DDX4: variants seen among roughly 807,000 people sequenced by gnomAD.
The protein encoded by DDX4 is DEAD-box helicase 4, also known as probable ATP-dependent RNA helicase DDX4.
A neutral mutation model predicts 100.0 loss-of-function variants in DDX4; 25 were observed. The observed-to-expected ratio is 0.25, with a 90% confidence interval of 0.18 to 0.35. The LOEUF (loss-of-function observed/expected upper bound fraction) is 0.35, where lower values mean the gene tolerates loss of function less well. Among genes scored for constraint, DDX4 ranks in the 10% least tolerant of loss-of-function variants. The probability of loss-of-function intolerance (pLI) is 1.00; values close to 1 mark genes in which losing one functional copy is unlikely to be tolerated. For missense variants in DDX4, 635 were observed against 882.4 expected (o/e 0.72, Z 3.55); for synonymous variants, 259 against 275.7 (o/e 0.94, Z 0.60).
intron 3 of DDX4, among the ~76,000 whole-genome samples, chr5:55,755,368 GA>G (rs1759858864): frequency 6.6e-6 from 1 of 152,092 alleles, no homozygotes; most frequent in African/African-American, 2.4e-5. Context: ...TTTTGTTCAG[GA>G]ATGGCAGTTG....
chr5:55,738,759 A>G (rs1442604969), intron 1 of DDX4, among the ~76,000 whole-genome samples, 191 bp from the exon 2 acceptor site: 1 of 152,214 alleles, frequency 6.6e-6, no homozygotes, highest in African/African-American at 2.4e-5. Flanking sequence ...TTCTAAAGCT[A>G]AGAAAGGATG....
In DDX4 at chr5:55,752,696, C is replaced by T. The variant is rs1417470603; in HGVS notation, c.127+6475C>T. Among the ~76,000 whole-genome samples the T allele has an allele frequency of 8.9e-3, 1,293 of 146,004 alleles. 22 individuals carry two copies. Among genetic ancestry groups the T allele is most frequent in the African/African-American group, 0.032 (1,234 of 38,244 alleles). On this transcript the variant is annotated intron_variant, in intron 3 of 21. Coordinates refer to ENST00000505374, the MANE Select transcript of DDX4 (RefSeq NM_024415.3). The stretch of plus-strand genomic sequence containing the variant: ...TGATTTATAGTCCTTTGGGTATATA[C>T]CCAGTAATGGGATGGCTGGGTCAAA...
At chr5:55,741,524 A>C (rs1394653986) in intron 2 of DDX4, among the ~76,000 whole-genome samples, 1 of 152,198 alleles carries the variant, frequency 6.6e-6, no homozygotes, top group Non-Finnish European at 1.5e-5. Flanking sequence ...GCGGTGGTTC[A>C]TGCCTGTAAT....
intron 17 of DDX4, among the ~76,000 whole-genome samples, chr5:55,794,349 G>C (rs1184104051): frequency 6.7e-6 from 1 of 150,062 alleles, no homozygotes; most frequent in Non-Finnish European, 1.5e-5. Context: ...CACCACGCCT[G>C]GTTAATTTTT....
At chr5:55,755,326 A>G (rs1207222973) in intron 3 of DDX4, among the ~76,000 whole-genome samples, 2 of 152,094 alleles carry the variant, frequency 1.3e-5, no homozygotes, top group African/African-American at 4.8e-5. Context: ...TCATGCCAAG[A>G]GAGTTTCTTT....
At chr5:55,798,688 T>C in intron 18 of DDX4, 117 bp downstream of exon 18, 1 of 921,130 alleles carries the variant, frequency 1.1e-6, no homozygotes, top group Non-Finnish European at 1.5e-6. Flanking sequence ...TAAGTCTCTC[T>C]CCCTCTAAAG....
At chr5:55,805,462 G>C (rs1414299023) in intron 18 of DDX4, among the ~76,000 whole-genome samples, 1 of 151,360 alleles carries the variant, frequency 6.6e-6, no homozygotes, top group Non-Finnish European at 1.5e-5. Context: ...CTGTGGGTTT[G>C]TCATAGATAG....
intron 7 of DDX4, among the ~76,000 whole-genome samples, chr5:55,769,259 T>G (rs533261067): frequency 6.6e-6 from 1 of 152,170 alleles, no homozygotes; most frequent in African/African-American, 2.4e-5. Context: ...GTTTTACATG[T>G]TATTCTTTAA....
chr5:55,769,375 C>T (rs1047263590), intron 7 of DDX4, among the ~76,000 whole-genome samples: 1 of 152,076 alleles, frequency 6.6e-6, no homozygotes, highest in African/African-American at 2.4e-5. Flanking sequence ...AATAAGGAAT[C>T]CTTTCCTTAT....
chr5:55,755,751 C>T (rs772152685), intron 3 of DDX4, among the ~76,000 whole-genome samples: 12 of 151,646 alleles, frequency 7.9e-5, no homozygotes, highest in Non-Finnish European at 1.3e-4. Flanking sequence ...ATAATGTACA[C>T]ATAGATTCAA....
chr5:55,805,957 A>G (rs1743676522), intron 18 of DDX4, among the ~76,000 whole-genome samples: 1 of 152,032 alleles, frequency 6.6e-6, no homozygotes, highest in Non-Finnish European at 1.5e-5. Context: ...CTGGTCCTGG[A>G]CTTTTTTTGG....
At position 55,786,481 on chromosome 5, in the gene DDX4, T is replaced by G. The variant is rs549505009; in HGVS notation, c.865-37T>G. ...GCTTATAAATGATCTGCATATGATA[T>G]ATAGAATGTAATCACTGCTTTTTTT... On this transcript the variant is annotated intron_variant, in intron 13 of 21. Coordinates refer to ENST00000505374, the MANE Select transcript of DDX4 (RefSeq NM_024415.3). The G allele has an allele frequency of 3.9e-5, 60 of 1,526,568 alleles. No individual in the cohort carries two copies. The Admixed American group carries it at 9.9e-4, about 25-fold the overall frequency. 94.6% of individuals were successfully genotyped at this position (1,526,568 alleles called of 1,614,324 possible). A position where few individuals can be genotyped will look rare whatever the true frequency, so the allele number is the denominator to read the frequency against.
intron 7 of DDX4, among the ~76,000 whole-genome samples, chr5:55,771,053 TTTCCA>T (rs1741224125): frequency 6.6e-6 from 1 of 152,240 alleles, no homozygotes; most frequent in African/African-American, 2.4e-5. Flanking sequence ...GTATCCCTGA[TTTCCA>T]TTCTCTGTAG....
chr5:55,778,307 A>G (rs1741697002), intron 7 of DDX4, among the ~76,000 whole-genome samples: 1 of 152,192 alleles, frequency 6.6e-6, no homozygotes, highest in Non-Finnish European at 1.5e-5. Context: ...TGCCTCTTAG[A>G]GGAAATTTTA....
intron 7 of DDX4, chr5:55,768,145 T>C (rs532983002): frequency 2.1e-4 from 113 of 548,448 alleles, no homozygotes; most frequent in African/African-American, 2.0e-3. Context: ...TTTTTAAGTT[T>C]TTGGTTCAGG....
At chr5:55,756,962 T>C (rs1390555859) in intron 3 of DDX4, among the ~76,000 whole-genome samples, 1 of 152,164 alleles carries the variant, frequency 6.6e-6, no homozygotes, top group Non-Finnish European at 1.5e-5. Flanking sequence ...ATGTAAACTT[T>C]CACATTTACA....
intron 18 of DDX4, among the ~76,000 whole-genome samples, chr5:55,804,119 T>C (rs1356834799): frequency 6.6e-6 from 1 of 152,128 alleles, no homozygotes; most frequent in Non-Finnish European, 1.5e-5. Context: ...ATAAATGTCT[T>C]CTTTTGAGAA....
At chr5:55,780,880 G>A (rs567840726) in intron 8 of DDX4, among the ~76,000 whole-genome samples, 186 bp from the exon 9 acceptor site, 1 of 152,198 alleles carries the variant, frequency 6.6e-6, no homozygotes, top group South Asian at 2.1e-4. Context: ...AGTTTAACTT[G>A]GTTTAATAGA....
intron 21 of DDX4, among the ~76,000 whole-genome samples, chr5:55,815,937 G>T (rs1165641036): frequency 2.1e-3 from 234 of 109,124 alleles, no homozygotes; most frequent in African/African-American, 5.6e-3. Context: ...ATCTTAGCTG[G>T]TTTTTTTTTT....
Sources: allele counts gnomAD v4.1 joint callset (sites outside exome capture counted in the v4.1 genomes callset), GRCh38; gene constraint gnomAD v4.1.1; transcripts MANE v1.5; gene names NCBI Gene and HGNC (gene_info 2026-07-23, HGNC 2026-07-21).